The following ARHGAP29 variants were observed in gnomAD, a reference collection of about 807,000 sequenced individuals.
The protein encoded by ARHGAP29 is Rho GTPase activating protein 29, also known as rho GTPase-activating protein 29.
In ARHGAP29, 43 loss-of-function variants were observed where a neutral mutation model predicts 122.6. The ratio of observed to expected loss-of-function variants is 0.35; its 90% CI spans 0.27 to 0.45. The LOEUF (loss-of-function observed/expected upper bound fraction) is 0.45. Among genes scored for constraint, ARHGAP29 ranks in the 20% least tolerant of loss-of-function variants. The pLI is 1.00. For missense variants in ARHGAP29, 1,303 were observed against 1,477.2 expected (o/e 0.88, Z 1.93); for synonymous variants, 506 against 497.1 (o/e 1.02, Z -0.24).
chr1:94,208,314 A>T (rs1262907568), intron 5 of ARHGAP29, among the ~76,000 whole-genome samples: 4 of 152,178 alleles, frequency 2.6e-5, no homozygotes, highest in African/African-American at 9.7e-5. Flanking sequence ...CTTAACAGAA[A>T]ATGATCAACA....
chr1:94,246,638 A>G (rs1157308057), intron 1 of ARHGAP29, among the ~76,000 whole-genome samples: 1 of 152,142 alleles, frequency 6.6e-6, no homozygotes, highest in African/African-American at 2.4e-5. Flanking sequence ...TGAAAAGGTG[A>G]GATAAACTAG....
rs895974933 is a variant in ARHGAP29 at position 94,236,873 on chromosome 1, T to A, written c.-33+542A>T. ...GAGTGAGGGCTGCAGTCAGGGCAGG[T>A]GGGAGCGGGAATAGAATCCAGGCAA... On this transcript the variant is annotated intron_variant, in intron 1 of 22. Coordinates refer to ENST00000260526, the MANE Select transcript of ARHGAP29 (RefSeq NM_004815.4). 5.9e-5 allele frequency among the ~76,000 whole-genome samples: 9 copies of A among 151,962 alleles called. No homozygotes were observed. The East Asian group carries it at 1.4e-3, about 23-fold the overall frequency.
At position 94,233,351 on chromosome 1, in the gene ARHGAP29, T is replaced by C. The variant is rs1199551043; in HGVS notation, c.-32-1708A>G. On this transcript the variant is annotated intron_variant, in intron 1 of 22. Transcript: ENST00000260526. ...ATATCTCACCCAACTCCATAGTTCATTTTTCTTTCTGATCTACAGGGTTCT... is the reference window on the plus strand; with the variant it reads ...ATATCTCACCCAACTCCATAGTTCACTTTTCTTTCTGATCTACAGGGTTCT... Among the ~76,000 whole-genome samples the C allele has an allele frequency of 2.0e-5, 3 of 152,132 alleles. No homozygotes were observed. In the East Asian group the frequency reaches 5.8e-4, roughly 29 times the overall value.
At chr1:94,232,823 A>G (rs1012910017) in intron 1 of ARHGAP29, among the ~76,000 whole-genome samples, 2 of 152,122 alleles carry the variant, frequency 1.3e-5, no homozygotes, top group Non-Finnish European at 2.9e-5. Context: ...ATTAACTCAC[A>G]CTTTATTATT....
rs996424759 is a variant in ARHGAP29, at chr1:94,169,589, T to C, written c.*4280A>G. Among the ~76,000 whole-genome samples the C allele has an allele frequency of 1.3e-5, 2 of 152,186 alleles. No homozygotes were observed. The highest frequency in any genetic ancestry group is 4.8e-5 in the African/African-American group (2 of 41,400). On this transcript the variant is annotated 3_prime_UTR_variant, in exon 23 of 23. Coordinates refer to ENST00000260526, the MANE Select transcript of ARHGAP29 (RefSeq NM_004815.4). ...TCAAAGTTTTCAATACGTATGTATA[T>C]AAATAGATATAGAAGTAGGTGACTA...
intron 12 of ARHGAP29, among the ~76,000 whole-genome samples, chr1:94,197,152 G>A (rs770347995): frequency 1.3e-5 from 2 of 151,936 alleles, no homozygotes; most frequent in Non-Finnish European, 2.9e-5. Flanking sequence ...GAAAAAAGAT[G>A]CAAATTACCA....
chr1:94,214,281 G>C (rs912182588), intron 3 of ARHGAP29, among the ~76,000 whole-genome samples: 1 of 152,142 alleles, frequency 6.6e-6, no homozygotes, highest in Admixed American at 6.5e-5. Context: ...ATATCTATCT[G>C]TACACAATCT....
chr1:94,250,742 G>A (rs1233038805), intron 1 of ARHGAP29, among the ~76,000 whole-genome samples: 1 of 152,148 alleles, frequency 6.6e-6, no homozygotes, highest in African/African-American at 2.4e-5. Flanking sequence ...CAAAAATAAA[G>A]AAATATTTGA....
the ARHGAP29 span, among the ~76,000 whole-genome samples, chr1:94,281,833 G>T: frequency 6.6e-6 from 1 of 152,246 alleles, no homozygotes; most frequent in East Asian, 1.9e-4. Flanking sequence ...CATTGCTGGG[G>T]AATATTTTTT....
intron 1 of ARHGAP29, among the ~76,000 whole-genome samples, chr1:94,264,064 GGCT>G (rs1391491248): frequency 6.6e-6 from 1 of 152,144 alleles, no homozygotes; most frequent in Non-Finnish European, 1.5e-5. Flanking sequence ...TTGGGTCAAA[GGCT>G]GGGTATATTT....
the ARHGAP29 span, among the ~76,000 whole-genome samples, chr1:94,281,829 T>G: frequency 6.6e-6 from 1 of 152,164 alleles, no homozygotes; most frequent in Non-Finnish European, 1.5e-5. Context: ...GCAGCATTGC[T>G]GGGGAATATT....
chr1:94,236,677 C>A (rs760508639), intron 1 of ARHGAP29, among the ~76,000 whole-genome samples: 2 of 151,926 alleles, frequency 1.3e-5, no homozygotes, highest in Non-Finnish European at 2.9e-5. Flanking sequence ...ACCCGCCCCC[C>A]AAAAAATTTT....
At chr1:94,251,139 A>G in intron 1 of ARHGAP29, among the ~76,000 whole-genome samples, 1 of 151,532 alleles carries the variant, frequency 6.6e-6, no homozygotes, top group Admixed American at 6.6e-5. Flanking sequence ...TTCAGTCCTC[A>G]CAATAACCTA....
chr1:94,193,961 T>C (rs1650286209), intron 12 of ARHGAP29: 1 of 152,338 alleles, frequency 6.6e-6, no homozygotes, highest in Non-Finnish European at 1.5e-5. Flanking sequence ...GTTTTCAACG[T>C]ATATGGATGT....
At chr1:94,274,615 C>T (rs376072325) in intron 1 of ARHGAP29, among the ~76,000 whole-genome samples, 11 of 152,274 alleles carry the variant, frequency 7.2e-5, no homozygotes, top group Admixed American at 3.9e-4. Flanking sequence ...TGTTTCCATA[C>T]ACTGTGATAA....
chr1:94,222,083 C>T (rs1652332632), intron 2 of ARHGAP29, among the ~76,000 whole-genome samples: 1 of 151,508 alleles, frequency 6.6e-6, no homozygotes, highest in Admixed American at 6.6e-5. Context: ...AAAGCTGGAA[C>T]AATGTGAGCA....
chr1:94,184,842 C>T (rs1649698267), intron 18 of ARHGAP29, 30 bp downstream of exon 18: 1 of 1,505,658 alleles, frequency 6.6e-7, no homozygotes, highest in Non-Finnish European at 8.9e-7. Context: ...GGCATTTATG[C>T]TTTTTAAAAT....
At chr1:94,200,117 GA>G (rs1486010983) in intron 12 of ARHGAP29, among the ~76,000 whole-genome samples, 2 of 151,984 alleles carry the variant, frequency 1.3e-5, no homozygotes, top group African/African-American at 2.4e-5. Context: ...ACTCATAAAA[GA>G]AAAAACTGAT....
chr1:94,186,737 G>C (rs1263156289), intron 15 of ARHGAP29, 140 bp from the exon 16 acceptor site: 1 of 604,026 alleles, frequency 1.7e-6, no homozygotes, highest in Non-Finnish European at 2.9e-6. Flanking sequence ...CTCATACTCT[G>C]GGTAACAGGG....
Sources: allele counts gnomAD v4.1 joint callset (sites outside exome capture counted in the v4.1 genomes callset), GRCh38; gene constraint gnomAD v4.1.1; transcripts MANE v1.5; gene names NCBI Gene and HGNC (gene_info 2026-07-23, HGNC 2026-07-21).